The following C1orf146 variants were observed in gnomAD, a reference collection of about 807,000 sequenced individuals.
C1orf146 encodes the protein chromosome 1 open reading frame 146.
A neutral mutation model predicts 23.0 loss-of-function variants in C1orf146; 22 were observed. The ratio of observed to expected loss-of-function variants is 0.96; its 90% CI spans 0.68 to 1.36. C1orf146 has a LOEUF of 1.36. Among genes scored for constraint, C1orf146 ranks in the 40% most tolerant of loss-of-function variants. The pLI, the probability that C1orf146 is intolerant of heterozygous loss-of-function variation, is 0.00. For synonymous variants in C1orf146, 59 were observed against 65.3 expected, an observed-to-expected ratio of 0.90 and a Z score of 0.47; for missense variants, 199 against 206.8, an observed-to-expected ratio of 0.96 and a Z score of 0.23.
At chr1:92,241,371 C>T (rs1358378504) in intron 2 of C1orf146, among the ~76,000 whole-genome samples, 1 of 151,980 alleles carries the variant, frequency 6.6e-6, no homozygotes, top group Non-Finnish European at 1.5e-5. Flanking sequence ...CCACCATGCC[C>T]AGCTAATTTT....
At chr1:92,241,571 C>T (rs549823235) in intron 2 of C1orf146, among the ~76,000 whole-genome samples, 12 of 152,238 alleles carry the variant, frequency 7.9e-5, no homozygotes, top group Middle Eastern at 3.4e-3. Flanking sequence ...CTCACTGCAA[C>T]CTCCACCTCC....
chr1:92,233,744 A>G (rs1341321736), intron 2 of C1orf146, among the ~76,000 whole-genome samples: 2 of 152,212 alleles, frequency 1.3e-5, no homozygotes, highest in East Asian at 3.8e-4. Flanking sequence ...ACCCATGAGC[A>G]TGGAATGTTC....
chr1:92,240,513 G>A (rs1281182064), intron 2 of C1orf146, among the ~76,000 whole-genome samples: 2 of 152,124 alleles, frequency 1.3e-5, no homozygotes, highest in Admixed American at 6.5e-5. Context: ...ATCTATCTGA[G>A]TGACACAAAA....
intron 2 of C1orf146, among the ~76,000 whole-genome samples, chr1:92,233,264 T>G (rs531366473): frequency 6.6e-6 from 1 of 152,064 alleles, no homozygotes; most frequent in Non-Finnish European, 1.5e-5. Flanking sequence ...AAGTCTTTAA[T>G]CCATCTTGAA....
intron 3 of C1orf146, 80 bp downstream of exon 3, chr1:92,242,385 C>T: frequency 1.4e-6 from 1 of 717,348 alleles, no homozygotes; most frequent in South Asian, 2.1e-5. Flanking sequence ...AGTTCAGTAA[C>T]CATGTAATGT....
intron 1 of C1orf146, among the ~76,000 whole-genome samples, chr1:92,229,682 A>G (rs1017084432): frequency 1.8e-4 from 27 of 152,218 alleles, no homozygotes; most frequent in African/African-American, 6.5e-4. Context: ...AAATTTGACT[A>G]CATTGGAAAT....
At chr1:92,231,962 T>A (rs1036300780) in intron 2 of C1orf146, among the ~76,000 whole-genome samples, 1 of 152,158 alleles carries the variant, frequency 6.6e-6, no homozygotes, top group Non-Finnish European at 1.5e-5. Flanking sequence ...ACAAGACTTC[T>A]CCATTGCCCT....
chr1:92,218,094 T>C (rs1570780764), intron 1 of C1orf146, 46 bp downstream of exon 1: 2 of 152,412 alleles, frequency 1.3e-5, no homozygotes, highest in South Asian at 4.1e-4. Context: ...ACCTGTCTCT[T>C]CGCGTTTTTC....
chr1:92,227,317 C>T (rs918486611), intron 1 of C1orf146, among the ~76,000 whole-genome samples: 3 of 151,900 alleles, frequency 2.0e-5, no homozygotes, highest in Non-Finnish European at 4.4e-5. Flanking sequence ...CCGAGGCGGG[C>T]GGATCACGAA....
chr1:92,243,037 C>T lies in C1orf146; in HGVS notation c.160+732C>T, dbSNP rs968913436. ...TTCTTCTGGTTAAATACAGAACCCT[C>T]CAGGGAGAAATAAAATATTTGGTGA... On this transcript the variant is annotated intron_variant, in intron 3 of 5. Transcript: ENST00000370375. Among the ~76,000 whole-genome samples the T allele has an allele frequency of 5.3e-5, 8 of 152,168 alleles. No individual in the cohort carries two copies. In the South Asian group the frequency reaches 1.2e-3, roughly 24 times the overall value.
intron 1 of C1orf146, among the ~76,000 whole-genome samples, 174 bp downstream of exon 1, chr1:92,218,222 G>C (rs1301881893): frequency 6.6e-6 from 1 of 152,162 alleles, no homozygotes; most frequent in Non-Finnish European, 1.5e-5. Context: ...CTTGAGAATC[G>C]GTGTGGAAAG....
intron 2 of C1orf146, chr1:92,240,954 G>T (rs977597651): frequency 1.3e-5 from 6 of 461,504 alleles, no homozygotes; most frequent in African/African-American, 1.2e-4. Flanking sequence ...TTAAAACCAA[G>T]AGTCCTATAG....
intron 2 of C1orf146, chr1:92,240,889 T>C (rs1652417502): frequency 2.2e-6 from 1 of 461,972 alleles, no homozygotes; most frequent in African/African-American, 2.0e-5. Context: ...GTGGGTAATA[T>C]GATTTAATTG....
chr1:92,237,475 T>G (rs1652312486), intron 2 of C1orf146, among the ~76,000 whole-genome samples: 1 of 152,192 alleles, frequency 6.6e-6, no homozygotes, highest in South Asian at 2.1e-4. Context: ...AAGTTTTGTC[T>G]CAGAGGAGTA....
At chr1:92,232,251 C>T (rs1227824708) in intron 2 of C1orf146, among the ~76,000 whole-genome samples, 4 of 148,380 alleles carry the variant, frequency 2.7e-5, no homozygotes, top group Admixed American at 1.3e-4. Context: ...CAATGCTATC[C>T]GTCCTCCCTC....
At chr1:92,223,045 A>C (rs1175357735) in intron 1 of C1orf146, among the ~76,000 whole-genome samples, 2 of 152,076 alleles carry the variant, frequency 1.3e-5, no homozygotes, top group Non-Finnish European at 2.9e-5. Context: ...CATTGTATGA[A>C]TATATTACAA....
chr1:92,230,088 A>G (rs528825645), intron 1 of C1orf146, among the ~76,000 whole-genome samples: 2 of 152,024 alleles, frequency 1.3e-5, no homozygotes, highest in Non-Finnish European at 2.9e-5. Flanking sequence ...TCTGCAGAAT[A>G]TTCTCCCTTC....
rs553197669 is a variant in C1orf146 at position 92,222,131 on chromosome 1, C to T, written c.-40+4083C>T. Reference sequence around the variant, plus strand: ...TGGCGCACACCTGTGGTCCCAGCTACTTGGGAGGCTGAGGCACGAGAACCA... The same window carrying T: ...TGGCGCACACCTGTGGTCCCAGCTATTTGGGAGGCTGAGGCACGAGAACCA... On this transcript the variant is annotated intron_variant, in intron 1 of 5. Coordinates refer to ENST00000370375, the MANE Select transcript of C1orf146 (RefSeq NM_001012425.2). 7.2e-5 allele frequency among the ~76,000 whole-genome samples: 11 copies of T among 152,210 alleles called. No individual in the cohort carries two copies. The East Asian group carries it at 1.9e-3, about 27-fold the overall frequency.
chr1:92,228,916 C>G (rs530063081), intron 1 of C1orf146: 24 of 420,846 alleles, frequency 5.7e-5, no homozygotes, highest in African/African-American at 4.1e-4. Flanking sequence ...ATTCCAGATT[C>G]GTGAGGCTAG....
Sources: allele counts gnomAD v4.1 joint callset (sites outside exome capture counted in the v4.1 genomes callset), GRCh38; gene constraint gnomAD v4.1.1; transcripts MANE v1.5; gene names NCBI Gene and HGNC (gene_info 2026-07-23, HGNC 2026-07-21).